The following DYNC2LI1 variants were observed in gnomAD, a reference collection of about 807,000 sequenced individuals.
The protein encoded by DYNC2LI1 is dynein cytoplasmic 2 light intermediate chain 1.
In DYNC2LI1, 45 loss-of-function variants were observed where a neutral mutation model predicts 51.9. That is an observed-to-expected ratio of 0.87 (90% CI 0.68 to 1.11). The LOEUF (loss-of-function observed/expected upper bound fraction) is 1.11. DYNC2LI1 is among the 50% of genes most tolerant of loss of function. DYNC2LI1 has a pLI of 0.00. For missense variants in DYNC2LI1, 490 were observed against 417.4 expected, an observed-to-expected ratio of 1.17 and a Z score of -1.51; for synonymous variants, 130 against 137.8, an observed-to-expected ratio of 0.94 and a Z score of 0.40.
At chr2:43,815,192 T>A in the DYNC2LI1 span, among the ~76,000 whole-genome samples, 1 of 152,206 alleles carries the variant, frequency 6.6e-6, no homozygotes, top group Non-Finnish European at 1.5e-5. Context: ...ACATTCATTG[T>A]GAAAATGAAA....
chr2:43,820,141 A>G, the DYNC2LI1 span: 1 of 1,588,332 alleles, frequency 6.3e-7, no homozygotes, highest in Non-Finnish European at 8.6e-7. Flanking sequence ...TCCAAGGGCT[A>G]TCATTTAAGA....
the DYNC2LI1 span, chr2:43,826,405 G>C: frequency 6.2e-7 from 1 of 1,614,090 alleles, no homozygotes; most frequent in African/African-American, 1.3e-5. Flanking sequence ...GAACGGGGCT[G>C]GTGAATGGTG....
downstream of DYNC2LI1, chr2:43,814,512 A>G (rs757537317): frequency 4.7e-5 from 76 of 1,608,788 alleles, 1 homozygote; most frequent in South Asian, 6.5e-4. Flanking sequence ...CTCATTGACT[A>G]CAAGAATCTC....
chr2:43,827,122 C>T, the DYNC2LI1 span, among the ~76,000 whole-genome samples: 1 of 152,024 alleles, frequency 6.6e-6, no homozygotes, highest in Non-Finnish European at 1.5e-5. Context: ...GTCAGGAGTT[C>T]GAGACCACCC....
intron 8 of DYNC2LI1, among the ~76,000 whole-genome samples, chr2:43,798,829 T>C (rs1337612120): frequency 1.3e-5 from 2 of 152,176 alleles, no homozygotes; most frequent in African/African-American, 4.8e-5. Flanking sequence ...AAGCCTCATC[T>C]TTCAGTTTCA....
intron 8 of DYNC2LI1, among the ~76,000 whole-genome samples, chr2:43,798,802 T>G (rs556671233): frequency 6.6e-6 from 1 of 152,204 alleles, no homozygotes; most frequent in Non-Finnish European, 1.5e-5. Flanking sequence ...TCAGGAAGAA[T>G]GTAGCCAAAG....
intron 12 of DYNC2LI1, 121 bp downstream of exon 12, chr2:43,805,367 A>ATTAT (rs1190821338): frequency 1.8e-6 from 1 of 549,676 alleles, no homozygotes; most frequent in East Asian, 3.2e-5. Context: ...TACTATTAAA[A>ATTAT]TTATTTAAGT....
chr2:43,814,234 T>C (rs1426319083), downstream of DYNC2LI1, among the ~76,000 whole-genome samples: 1 of 152,164 alleles, frequency 6.6e-6, no homozygotes, highest in Non-Finnish European at 1.5e-5. Flanking sequence ...GTACATAAGG[T>C]CTGTCATTTT....
intron 2 of DYNC2LI1, 128 bp from the exon 3 acceptor site, chr2:43,783,392 T>C: frequency 1.3e-6 from 1 of 750,840 alleles, no homozygotes; most frequent in Non-Finnish European, 2.2e-6. Flanking sequence ...AAGTTTCTAG[T>C]TTTTAGTTTC....
intron 3 of DYNC2LI1, among the ~76,000 whole-genome samples, chr2:43,785,286 G>A (rs922397974): frequency 1.3e-5 from 2 of 152,118 alleles, no homozygotes; most frequent in African/African-American, 4.8e-5. Context: ...ATGACAGAGT[G>A]AGACCCTGTC....
At chr2:43,823,143 A>G in the DYNC2LI1 span, among the ~76,000 whole-genome samples, 1 of 152,198 alleles carries the variant, frequency 6.6e-6, no homozygotes. Context: ...TTGCAATACA[A>G]TTGCAAAAGA....
downstream of DYNC2LI1, chr2:43,810,282 G>A (rs1048038613): frequency 3.0e-5 from 25 of 832,330 alleles, no homozygotes; most frequent in African/African-American, 3.0e-4. Flanking sequence ...CTAGAGTGTC[G>A]CCATCAGTGG....
intron 3 of DYNC2LI1, among the ~76,000 whole-genome samples, chr2:43,785,077 C>T (rs564495632): frequency 1.2e-4 from 18 of 152,010 alleles, no homozygotes; most frequent in South Asian, 2.1e-4. Context: ...GCAGGCGGAT[C>T]GCTTGAACTC....
chr2:43,822,504 G>A, the DYNC2LI1 span: 1 of 940,698 alleles, frequency 1.1e-6, no homozygotes, highest in South Asian at 5.1e-5. Context: ...CTGGGTCCTA[G>A]CTACTTCAGA....
the DYNC2LI1 span, chr2:43,827,896 A>C: frequency 6.3e-7 from 1 of 1,578,892 alleles, no homozygotes; most frequent in Non-Finnish European, 8.6e-7. Flanking sequence ...TTTCCAAATG[A>C]GGACCGTGAA....
rs1050259473 is a variant in DYNC2LI1 at position 43,794,320 on chromosome 2, G to C, written c.321-137G>C. ...TATGACTTTGGTTTTTTGTTTTTGG[G>C]AGTCTTAGAATAATGCTACGGTTTT... On this transcript the variant is annotated intron_variant, in intron 5 of 12. Coordinates refer to ENST00000260605, the MANE Select transcript of DYNC2LI1 (RefSeq NM_016008.4). The C allele has an allele frequency of 2.6e-5, 24 of 940,930 alleles. No individual in the cohort carries two copies. The African/African-American group carries it at 3.8e-4, about 15-fold the overall frequency. 58.3% of individuals were successfully genotyped at this position (940,930 alleles called of 1,614,324 possible). A position where few individuals can be genotyped will look rare whatever the true frequency, so the allele number is the denominator to read the frequency against.
the DYNC2LI1 span, chr2:43,828,039 A>C: frequency 6.2e-7 from 1 of 1,614,110 alleles, no homozygotes; most frequent in Non-Finnish European, 8.5e-7. Flanking sequence ...ACCCGTGGAA[A>C]TGCCCCCCAA....
Position 43,795,926 on chromosome 2 carries a change from GT to G in DYNC2LI1, c.545del (p.Val182AlafsTer2). On this transcript the variant is annotated frameshift_variant, in exon 7 of 13. Transcript: ENST00000260605. LOFTEE classifies it high-confidence loss of function. ...ELIDPFPVPLVIIGSKYDVFQ... is the reference protein window; with the variant it reads ...ELIDPFPVPLXIIGSKYDVFQ... The stretch of plus-strand genomic sequence containing the variant: ...AATTGACCCATTTCCGGTACCTCTG[GT>G]CATAATTGGAAGTAAATATGATGTT... 6.2e-7 allele frequency: 1 copy of G among 1,613,432 alleles called. No individual in the cohort carries two copies. The highest frequency in any genetic ancestry group is 8.5e-7 in the Non-Finnish European group (1 of 1,179,572).
chr2:43,782,131 A>T (rs901179286), intron 2 of DYNC2LI1, among the ~76,000 whole-genome samples: 1 of 152,072 alleles, frequency 6.6e-6, no homozygotes, highest in African/African-American at 2.4e-5. Context: ...ATATTTCTAC[A>T]TTGTCATTCA....
Sources: gnomAD v4.1 joint callset for allele counts (sites outside exome capture counted in the v4.1 genomes callset) on GRCh38, gnomAD v4.1.1 for gene constraint, MANE v1.5 for transcripts, NCBI Gene and HGNC (gene_info 2026-07-23, HGNC 2026-07-21) for gene names.